Variants in GEN1 observed in about 807,000 individuals in gnomAD.
GEN1 encodes GEN1 structure-specific endonuclease.
A neutral mutation model predicts 67.6 loss-of-function variants in GEN1; 64 were observed. The ratio of observed to expected loss-of-function variants is 0.95; its 90% CI spans 0.77 to 1.17. GEN1 has a LOEUF of 1.17. GEN1 is among the 50% of genes most tolerant of loss of function. The pLI is 0.00. For missense variants in GEN1, 1,058 were observed against 1,048.3 expected (o/e 1.01, Z -0.13); for synonymous variants, 371 against 359.4 (o/e 1.03, Z -0.37).
chr2:17,772,878 G>T (rs1003681484), intron 8 of GEN1, 94 bp downstream of exon 8: 11 of 1,179,380 alleles, frequency 9.3e-6, no homozygotes, highest in Non-Finnish European at 1.3e-5. Context: ...CCCATATCTA[G>T]ATTAGTCACA....
intron 12 of GEN1, 100 bp downstream of exon 12, chr2:17,778,163 CATAGATATGTGTATATATATATAT>C: frequency 2.1e-6 from 1 of 478,776 alleles, no homozygotes. Flanking sequence ...TACACACACA[CATAGATATGTGTATATATATATAT>C]ACACACACAC....
At position 17,784,803 on chromosome 2, in the gene GEN1, A is replaced by G. The variant is rs1322303565; in HGVS notation, c.*2864A>G. 6.6e-6 allele frequency: 1 copy of G among 152,230 alleles called. No homozygotes were observed. Among genetic ancestry groups the G allele is most frequent in the East Asian group, 1.9e-4 (1 of 5,194 alleles). The allele number at this position is 152,230 out of a possible 1,614,324, so 9.4% of individuals were successfully genotyped here. On this transcript the variant is annotated 3_prime_UTR_variant, in exon 14 of 14. Coordinates refer to ENST00000381254, the MANE Select transcript of GEN1 (RefSeq NM_001130009.3). ...TCTAGACCAGGTAAATAAAATATCT[A>G]GAGGCATTCTTGAGATTGTATGAGA...
At chr2:17,771,158 T>A (rs1301445174) in intron 6 of GEN1, 38 bp from the exon 7 acceptor site, 1 of 1,232,028 alleles carries the variant, frequency 8.1e-7, no homozygotes, top group South Asian at 1.2e-5. Context: ...TGTGACCTCA[T>A]TTTTTTTCCT....
At position 17,784,103 on chromosome 2, in the gene GEN1, A is replaced by G. The variant is rs971555705; in HGVS notation, c.*2164A>G. Reference sequence around the variant, plus strand: ...TTGCAAATCATAAATGTGATAAGGGACTTGTATCTTGGTGGTATATAAAGA... The same window carrying G: ...TTGCAAATCATAAATGTGATAAGGGGCTTGTATCTTGGTGGTATATAAAGA... On this transcript the variant is annotated 3_prime_UTR_variant, in exon 14 of 14. Coordinates refer to ENST00000381254, the MANE Select transcript of GEN1 (RefSeq NM_001130009.3). 6.6e-6 allele frequency: 1 copy of G among 152,200 alleles called. No homozygotes were observed. Among genetic ancestry groups the G allele is most frequent in the African/African-American group, 2.4e-5 (1 of 41,448 alleles). The allele number at this position is 152,200 out of a possible 1,614,324, so 9.4% of individuals were successfully genotyped here.
At chr2:17,760,175 CT>C (rs896999315) in intron 2 of GEN1, 71 bp downstream of exon 2, 289 of 1,274,812 alleles carry the variant, frequency 2.3e-4, no homozygotes, top group South Asian at 3.4e-4. Context: ...TTTGTTTCAC[CT>C]TTTTTTTTCT....
chr2:17,778,319 C>CATGTGTGTGTACATATATGTATAT lies in GEN1; in HGVS notation c.1264+257_1264+258insTGTGTGTGTACATATATGTATATA, dbSNP rs1558409328. On this transcript the variant is annotated intron_variant, in intron 12 of 13. Transcript: ENST00000381254. ...GTGTGTACATATATGTATATACACACACACGTGTACATATATGTATACACA... is the reference window on the plus strand; with the variant it reads ...GTGTGTACATATATGTATATACACACATGTGTGTGTACATATATGTATATACACGTGTACATATATGTATACACA... 3.9e-4 allele frequency among the ~76,000 whole-genome samples: 18 copies of CATGTGTGTGTACATATATGTATAT among 46,366 alleles called. 4 individuals are homozygous for CATGTGTGTGTACATATATGTATAT. Among genetic ancestry groups the CATGTGTGTGTACATATATGTATAT allele is most frequent in the African/African-American group, 1.3e-3 (18 of 14,388 alleles). The allele number at this position is 46,366 out of a possible 152,430, so 30.4% of individuals were successfully genotyped here. A position where few individuals can be genotyped will look rare whatever the true frequency, so the allele number is the denominator to read the frequency against.
Position 17,781,015 on chromosome 2 carries a change from T to A in GEN1, c.1803T>A (p.Ile601=), listed in dbSNP as rs1440040335. 2 of 1,613,732 alleles carry A rather than the reference T, an allele frequency of 1.2e-6. No homozygotes were observed. Among genetic ancestry groups the A allele is most frequent in the Middle Eastern group, 1.6e-4 (1 of 6,080 alleles). The change falls in exon 14 of 14, where the codon ATT becomes ATA. Residue 601 remains isoleucine (I), a synonymous_variant. Coordinates refer to ENST00000381254, the MANE Select transcript of GEN1 (RefSeq NM_001130009.3). The part of the protein sequence containing the change: ...EGTSFSNSPA[I]QRNTFSHDLK... ...CTTCTTTTAGTAATTCTCCAGCTAT[T>A]CAAAGGAATACTTTTTCTCATGATT...
chr2:17,760,073 A>G lies in GEN1; in HGVS notation c.130A>G (p.Met44Val), dbSNP rs1270836576. The G allele has an allele frequency of 6.2e-7, 1 of 1,614,154 alleles. No homozygotes were observed. ...WVCEAQTVKKMMGSVMKPHLR... is the reference protein window; with the variant it reads ...WVCEAQTVKKVMGSVMKPHLR... Reference sequence around the variant, plus strand: ...GTGTGAGGCACAGACAGTCAAAAAAATGATGGGCAGCGTCATGAAGCCCCA... The same window carrying G: ...GTGTGAGGCACAGACAGTCAAAAAAGTGATGGGCAGCGTCATGAAGCCCCA... The change falls in exon 2 of 14, where the codon ATG (methionine) becomes GTG (valine). Residue 44 changes from methionine to valine, a missense_variant. Physicochemically the swap from Met to Val is conservative, Grantham distance 21. Transcript: ENST00000381254.
chr2:17,781,385 G>A lies in GEN1; in HGVS notation c.2173G>A (p.Gly725Arg). Residue 725 changes from glycine to arginine, a missense_variant, in exon 14 of 14, where the codon GGA (glycine) becomes AGA (arginine). Coordinates refer to ENST00000381254, the MANE Select transcript of GEN1 (RefSeq NM_001130009.3). ...CTSHLSKDLP[G>R]IPLQNESRDS... ...ATCACATCTTTCAAAGGATCTTCCA[G>A]GAATTCCCTTGCAAAATGAATCCAG... 6.2e-7 allele frequency: 1 copy of A among 1,613,824 alleles called. No individual in the cohort carries two copies. The highest frequency in any genetic ancestry group is 8.5e-7 in the Non-Finnish European group (1 of 1,179,928).
At chr2:17,767,284 G>A (rs1453355354) in intron 5 of GEN1, among the ~76,000 whole-genome samples, 1 of 152,118 alleles carries the variant, frequency 6.6e-6, no homozygotes, top group Non-Finnish European at 1.5e-5. Flanking sequence ...TAAATGTAGT[G>A]TTTAAAAATA....
Position 17,781,755 on chromosome 2 carries a change from A to G in GEN1, c.2543A>G (p.Lys848Arg), listed in dbSNP as rs576052180. The part of the protein sequence containing the change: ...NKLSSPKIHI[K>R]ETEQCVRSYE... ...TTGAGTAGCCCTAAGATACATATTA[A>G]AGAAACTGAACAGTGTGTCAGATCT... The change falls in exon 14 of 14, where the codon AAA becomes AGA. Residue 848 changes from lysine to arginine, a missense_variant. By Grantham distance (26) the Lys-to-Arg change is conservative (BLOSUM62 2). Transcript: ENST00000381254. 8 of 1,613,386 alleles carry G rather than the reference A, an allele frequency of 5.0e-6. No homozygotes were observed. The highest frequency in any genetic ancestry group is 6.8e-6 in the Non-Finnish European group (8 of 1,179,746).
rs760067725 is a variant in GEN1, at chr2:17,788,190, C to T, written c.*6251C>T. 2 of 152,202 alleles carry T rather than the reference C, an allele frequency of 1.3e-5. No homozygotes were observed. The highest frequency in any genetic ancestry group is 2.9e-5 in the Non-Finnish European group (2 of 68,030). 9.4% of individuals were successfully genotyped at this position (152,202 alleles called of 1,614,324 possible). ...GCTTAAATAGTATTACTGAAGGCAG[C>T]CTCCTTTCATCTATATATTAACGTG... On this transcript the variant is annotated 3_prime_UTR_variant, in exon 14 of 14. Transcript: ENST00000381254.
chr2:17,770,974 T>A, intron 6 of GEN1: 1 of 582,756 alleles, frequency 1.7e-6, no homozygotes, highest in Non-Finnish European at 3.2e-6. Context: ...CACACACATA[T>A]ACTCTCTCTC....
At chr2:17,753,809 C>A (rs1270287408), upstream of GEN1, 1 of 152,300 alleles carries the variant, frequency 6.6e-6, no homozygotes, top group Non-Finnish European at 1.5e-5. Context: ...GCGGTACTAA[C>A]CGCGCCTGCG....
chr2:17,766,055 T>C (rs1671917074), intron 4 of GEN1, among the ~76,000 whole-genome samples: 1 of 152,142 alleles, frequency 6.6e-6, no homozygotes, highest in Non-Finnish European at 1.5e-5. Context: ...AGCATAGTTA[T>C]TTTTAAGCCA....
At chr2:17,778,321 C>CATGTGTGTGT (rs1558409363) in intron 12 of GEN1, among the ~76,000 whole-genome samples, 222 of 21,066 alleles carry the variant, frequency 0.011, 87 homozygotes, top group African/African-American at 0.029. Flanking sequence ...TATACACACA[C>CATGTGTGTGT]ACGTGTACAT....
At chr2:17,770,315 T>C (rs1672123015) in intron 6 of GEN1, among the ~76,000 whole-genome samples, 1 of 152,188 alleles carries the variant, frequency 6.6e-6, no homozygotes, top group South Asian at 2.1e-4. Context: ...TATTTTTAAT[T>C]TTTGCCGTGC....
Position 17,760,055 on chromosome 2 carries a change from G to T in GEN1, c.112G>T (p.Ala38Ser). 1 of 1,613,948 alleles carries T rather than the reference G, an allele frequency of 6.2e-7. No homozygotes were observed. The highest frequency in any genetic ancestry group is 1.1e-5 in the South Asian group (1 of 91,052). ...AVDLSLWVCE[A>S]QTVKKMMGSV... ...TGATCTGAGTCTCTGGGTGTGTGAG[G>T]CACAGACAGTCAAAAAAATGATGGG... The change falls in exon 2 of 14, where the codon GCA becomes TCA. Residue 38 changes from alanine (A) to serine (S), a missense_variant. Transcript: ENST00000381254.
upstream of GEN1, chr2:17,753,802 G>C (rs903358560): frequency 1.3e-5 from 2 of 152,296 alleles, no homozygotes; most frequent in South Asian, 2.1e-4. Flanking sequence ...GCCCACCGCG[G>C]TACTAACCGC....
Sources: allele counts gnomAD v4.1 joint callset (sites outside exome capture counted in the v4.1 genomes callset), GRCh38; gene constraint gnomAD v4.1.1; transcripts MANE v1.5; gene names NCBI Gene and HGNC (gene_info 2026-07-23, HGNC 2026-07-21).